Variants in COL4A5 observed in about 807,000 individuals in gnomAD.
The protein encoded by COL4A5 is collagen type IV alpha 5 chain, also known as collagen alpha-5(IV) chain.
A neutral mutation model predicts 130.2 loss-of-function variants in COL4A5; 26 were observed. The observed-to-expected ratio is 0.20, with a 90% CI of 0.15 to 0.28. COL4A5 has a LOEUF of 0.28. Among genes scored for constraint, COL4A5 ranks in the 10% least tolerant of loss-of-function variants. The pLI, the probability that COL4A5 is intolerant of heterozygous loss-of-function variation, is 1.00. For synonymous variants in COL4A5, 496 were observed against 439.6 expected, an observed-to-expected ratio of 1.13 and a Z score of -1.60; for missense variants, 1,131 against 1,344.3, an observed-to-expected ratio of 0.84 and a Z score of 2.48.
chrX:108,646,431 G>A (rs1476209881), intron 36 of COL4A5, among the ~76,000 whole-genome samples: 1 of 109,774 alleles, frequency 9.1e-6, no homozygotes, highest in East Asian at 2.9e-4. Flanking sequence ...GGGGTTGTTT[G>A]TTTTTTTCTT....
Position 108,598,742 on chromosome X carries a change from A to G in COL4A5, c.1820A>G (p.Asn607Ser). 4 of 1,210,621 alleles carry G rather than the reference A, an allele frequency of 3.3e-6. No individual in the cohort carries two copies. The highest frequency in any genetic ancestry group is 4.5e-6 in the Non-Finnish European group (4 of 894,714). Residue 607 changes from asparagine (N) to serine (S), a missense_variant, in exon 25 of 53, where the codon AAC becomes AGC. Asn to Ser is a conservative substitution (Grantham distance 46). Transcript: ENST00000328300. ...TFKGERGPPG[N>S]PGLPGLPGNI... The stretch of plus-strand genomic sequence containing the variant: ...AAGGGTGAAAGAGGTCCCCCTGGGA[A>G]CCCAGGTTTACCAGGCCTCCCAGGG...
At chrX:108,448,009 C>T (rs1467835822) in intron 1 of COL4A5, among the ~76,000 whole-genome samples, 3 of 111,750 alleles carry the variant, frequency 2.7e-5, no homozygotes, top group Non-Finnish European at 5.6e-5. Context: ...TTTTATGCAA[C>T]TTGAACTTAT....
chrX:108,666,653 G>A (rs2068086692), intron 39 of COL4A5, 59 bp downstream of exon 39: 1 of 943,730 alleles, frequency 1.1e-6, no homozygotes, highest in South Asian at 2.1e-5. Flanking sequence ...AATTTAACTT[G>A]CCTTTTTATT....
intron 1 of COL4A5, among the ~76,000 whole-genome samples, chrX:108,446,454 A>G (rs1168779828): frequency 8.9e-6 from 1 of 112,079 alleles, no homozygotes. Flanking sequence ...TTCATGGGGA[A>G]TTAGTGGGTT....
intron 1 of COL4A5, among the ~76,000 whole-genome samples, chrX:108,505,149 G>A (rs1396076544): frequency 9.0e-6 from 1 of 111,011 alleles, no homozygotes; most frequent in Non-Finnish European, 1.9e-5. Context: ...ATAAAATACT[G>A]TATATTCCCA....
chrX:108,524,459 CT>C (rs1279411683), intron 1 of COL4A5, among the ~76,000 whole-genome samples: 2 of 110,284 alleles, frequency 1.8e-5, no homozygotes, highest in Admixed American at 1.9e-4. Flanking sequence ...AGCTTTTGAT[CT>C]TGTTGATTTT....
chrX:108,609,501 A>G (rs999570278), intron 29 of COL4A5, among the ~76,000 whole-genome samples: 1 of 111,627 alleles, frequency 9.0e-6, no homozygotes, highest in Non-Finnish European at 1.9e-5. Flanking sequence ...TTTCCTAGAT[A>G]TATGTTTATT....
At chrX:108,642,029 A>T (rs1156656232) in intron 36 of COL4A5, among the ~76,000 whole-genome samples, 2 of 111,429 alleles carry the variant, frequency 1.8e-5, no homozygotes, top group African/African-American at 6.5e-5. Context: ...CTGGAAACAG[A>T]CTTGGGGCTG....
intron 1 of COL4A5, among the ~76,000 whole-genome samples, chrX:108,533,723 G>A (rs908758224): frequency 5.2e-4 from 58 of 110,676 alleles, no homozygotes; most frequent in African/African-American, 1.9e-3. Flanking sequence ...AGCAAACGAA[G>A]CAATCAACAG....
chrX:108,589,873 C>G (rs2066402067), intron 19 of COL4A5, among the ~76,000 whole-genome samples: 1 of 111,155 alleles, frequency 9.0e-6, no homozygotes, highest in African/African-American at 3.3e-5. Context: ...TAATTGTAAA[C>G]TGTGCATCTG....
chrX:108,653,372 G>T (rs1031132892), intron 36 of COL4A5, among the ~76,000 whole-genome samples: 6 of 106,006 alleles, frequency 5.7e-5, no homozygotes, highest in East Asian at 3.0e-4. Flanking sequence ...ATACTGTGTG[G>T]TTTTTTTTTT....
At chrX:108,672,084 T>C (rs1273190346) in intron 42 of COL4A5, among the ~76,000 whole-genome samples, 1 of 112,142 alleles carries the variant, frequency 8.9e-6, no homozygotes, top group Non-Finnish European at 1.9e-5. Context: ...ATCCACTTTC[T>C]TGTTTTCTGT....
At chrX:108,694,626 A>G (rs1454729662) in intron 50 of COL4A5, 181 bp from the exon 51 acceptor site, 12 of 463,046 alleles carry the variant, frequency 2.6e-5, no homozygotes, top group East Asian at 1.5e-4. Flanking sequence ...ACAGTTTATT[A>G]TGTATACTGG....
At chrX:108,480,143 G>A (rs2064874679) in intron 1 of COL4A5, among the ~76,000 whole-genome samples, 1 of 111,780 alleles carries the variant, frequency 8.9e-6, no homozygotes. Flanking sequence ...CGGGTCACTC[G>A]ATAAATGGGC....
intron 36 of COL4A5, among the ~76,000 whole-genome samples, chrX:108,638,129 A>G (rs1004835292): frequency 9.0e-6 from 1 of 111,654 alleles, no homozygotes; most frequent in African/African-American, 3.3e-5. Context: ...AAAGAAAGCT[A>G]CAGACCAAAA....
intron 1 of COL4A5, among the ~76,000 whole-genome samples, chrX:108,531,752 GAC>G (rs1175008447): frequency 1.8e-5 from 2 of 111,240 alleles, no homozygotes; most frequent in African/African-American, 3.3e-5. Flanking sequence ...ATGAAAAAAA[GAC>G]ACTACAATTG....
intron 1 of COL4A5, among the ~76,000 whole-genome samples, chrX:108,513,465 A>G (rs1342785294): frequency 9.0e-6 from 1 of 111,674 alleles, no homozygotes; most frequent in Non-Finnish European, 1.9e-5. Flanking sequence ...TGTGCTTTTA[A>G]TTTGCATTTC....
chrX:108,632,901 T>A (rs1233326176), intron 36 of COL4A5, among the ~76,000 whole-genome samples: 3 of 111,555 alleles, frequency 2.7e-5, no homozygotes, highest in Admixed American at 1.9e-4. Context: ...CTGGAAGCAT[T>A]CCCTTTGAAA....
intron 28 of COL4A5, among the ~76,000 whole-genome samples, chrX:108,606,499 GT>G (rs34196456): frequency 2.4e-3 from 246 of 103,303 alleles, no homozygotes; most frequent in East Asian, 4.5e-3. Context: ...TGCTCTCTCA[GT>G]TTTTTTTTTT....
Sources: allele counts gnomAD v4.1 joint callset (sites outside exome capture counted in the v4.1 genomes callset), GRCh38; gene constraint gnomAD v4.1.1; transcripts MANE v1.5; gene names NCBI Gene and HGNC (gene_info 2026-07-23, HGNC 2026-07-21).